Variants in BRIP1 observed in about 807,000 individuals in gnomAD.
BRIP1 encodes BRCA1 interacting DNA helicase 1.
In BRIP1, 88 loss-of-function variants were observed where a neutral mutation model predicts 119.7. The observed-to-expected ratio is 0.74, with a 90% CI of 0.62 to 0.88. The LOEUF (loss-of-function observed/expected upper bound fraction) is 0.88. Ranked by LOEUF, BRIP1 falls within the 40% of genes least tolerant of loss-of-function variation. BRIP1 has a pLI of 0.00. For missense variants in BRIP1, 1,259 were observed against 1,455.4 expected, an observed-to-expected ratio of 0.87 and a Z score of 2.20; for synonymous variants, 443 against 496.5, an observed-to-expected ratio of 0.89 and a Z score of 1.43.
Position 61,789,885 on chromosome 17 carries a change from C to A in BRIP1, c.1473+3712G>T, listed in dbSNP as rs1338770797. On this transcript the variant is annotated intron_variant, in intron 10 of 19. Coordinates refer to ENST00000259008, the MANE Select transcript of BRIP1 (RefSeq NM_032043.3). This position sits in a 1 kb window ranked among gnomAD's most constrained non-coding sequence, Gnocchi z 4.8. ...AATGTTCATCTTTGAGTTTATGAGT[C>A]ATTTTTCTTTGTGCCATTCTGTATT... Among the ~76,000 whole-genome samples the A allele has an allele frequency of 6.6e-6, 1 of 152,092 alleles. No homozygotes were observed. Among genetic ancestry groups the A allele is most frequent in the Non-Finnish European group, 1.5e-5 (1 of 68,006 alleles).
At chr17:61,718,438 TG>T (rs942710602) in intron 16 of BRIP1, among the ~76,000 whole-genome samples, 24 of 152,320 alleles carry the variant, frequency 1.6e-4, no homozygotes, top group East Asian at 5.8e-4. Flanking sequence ...TCCCAGACTT[TG>T]TAAGCACTAG....
At chr17:61,718,575 C>G (rs1482666416) in intron 16 of BRIP1, among the ~76,000 whole-genome samples, 2 of 152,200 alleles carry the variant, frequency 1.3e-5, no homozygotes, top group Non-Finnish European at 2.9e-5. Context: ...CTCTATGTAG[C>G]TCCATCCTCT....
At chr17:61,781,811 C>T (rs1167750053) in intron 11 of BRIP1, among the ~76,000 whole-genome samples, 1 of 151,352 alleles carries the variant, frequency 6.6e-6, no homozygotes, top group Admixed American at 6.6e-5. Flanking sequence ...ACCCCAGCTA[C>T]TCAGGAGGCT....
rs1398684797 is a variant in BRIP1, at chr17:61,843,870, A to G, written c.627+3231T>C. ...TAATAATTTCACTATGTATATATATATTAAAACATCATGTTTTACACCTAA... is the reference window on the plus strand; with the variant it reads ...TAATAATTTCACTATGTATATATATGTTAAAACATCATGTTTTACACCTAA... On this transcript the variant is annotated intron_variant, in intron 6 of 19. Coordinates refer to ENST00000259008, the MANE Select transcript of BRIP1 (RefSeq NM_032043.3). This position sits in a 1 kb window ranked among gnomAD's most constrained non-coding sequence, Gnocchi z 5.7. Among the ~76,000 whole-genome samples the G allele has an allele frequency of 1.3e-5, 2 of 152,108 alleles. No individual in the cohort carries two copies. Among genetic ancestry groups the G allele is most frequent in the Non-Finnish European group, 2.9e-5 (2 of 68,018 alleles).
At position 61,788,643 on chromosome 17, in the gene BRIP1, T is replaced by C. The variant is rs189731013; in HGVS notation, c.1474-4219A>G. Among the ~76,000 whole-genome samples, 21 of 152,276 alleles carry C rather than the reference T, an allele frequency of 1.4e-4. No homozygotes were observed. The East Asian group carries it at 4.1e-3, about 29-fold the overall frequency. ...ATGGTGGAACACAATCAAGTCCAGA[T>C]ATAAATTCACACATATATGAAAATT... is the stretch of plus-strand genomic sequence containing the variant. On this transcript the variant is annotated intron_variant, in intron 10 of 19. Transcript: ENST00000259008.
Position 61,776,678 on chromosome 17 carries a change from A to C in BRIP1, c.1936-116T>G. On this transcript the variant is annotated intron_variant, in intron 13 of 19. Transcript: ENST00000259008. The surrounding 1 kb of genome is among the most constrained non-coding windows in gnomAD (Gnocchi z 5.0). ...CAACAAGTTTAACAATTTATTTTTA[A>C]ATTGTCAGGGGGTTTTCTATTACCT... 1 of 1,143,796 alleles carries C rather than the reference A, an allele frequency of 8.7e-7. No homozygotes were observed. Among genetic ancestry groups the C allele is most frequent in the Middle Eastern group, 2.0e-4 (1 of 5,094 alleles). The allele number at this position is 1,143,796 out of a possible 1,614,324, so 70.9% of individuals were successfully genotyped here.
At chr17:61,781,655 G>T (rs1368495971) in intron 11 of BRIP1, among the ~76,000 whole-genome samples, 1 of 152,166 alleles carries the variant, frequency 6.6e-6, no homozygotes, top group Non-Finnish European at 1.5e-5. Flanking sequence ...AGGCGCGGTG[G>T]TTCACACCTG....
At position 61,804,954 on chromosome 17, in the gene BRIP1, C is replaced by G. The variant is rs1048048421; in HGVS notation, c.919-3480G>C. Among the ~76,000 whole-genome samples, 10 of 139,222 alleles carry G rather than the reference C, an allele frequency of 7.2e-5. No individual in the cohort carries two copies. Among genetic ancestry groups the G allele is most frequent in the African/African-American group, 2.7e-4 (10 of 37,014 alleles). 91.3% of individuals were successfully genotyped at this position (139,222 alleles called of 152,430 possible). ...GGCAGGATGAAATGTCTCTCTCTTT[C>G]TGTGTGTGTGTGTGTGTGTGTGTGT... On this transcript the variant is annotated intron_variant, in intron 7 of 19. Coordinates refer to ENST00000259008, the MANE Select transcript of BRIP1 (RefSeq NM_032043.3). The surrounding 1 kb of genome is among the most constrained non-coding windows in gnomAD (Gnocchi z 4.5).
In BRIP1 at chr17:61,803,543, A is replaced by T. The variant is rs980770793; in HGVS notation, c.919-2069T>A. ...ACAGGGAGACTCAATCTCTACAAAA[A>T]AACAAAAAAAATTAAACCGCAGTGA... On this transcript the variant is annotated intron_variant, in intron 7 of 19. Coordinates refer to ENST00000259008, the MANE Select transcript of BRIP1 (RefSeq NM_032043.3). The surrounding 1 kb of genome is among the most constrained non-coding windows in gnomAD (Gnocchi z 4.3). Among the ~76,000 whole-genome samples, 2 of 152,146 alleles carry T rather than the reference A, an allele frequency of 1.3e-5. No individual in the cohort carries two copies. The highest frequency in any genetic ancestry group is 2.9e-5 in the Non-Finnish European group (2 of 68,030).
In BRIP1 at chr17:61,734,432, T is replaced by C. The variant is rs1475086101; in HGVS notation, c.2379+8581A>G. 6.6e-6 allele frequency among the ~76,000 whole-genome samples: 1 copy of C among 152,160 alleles called. No individual in the cohort carries two copies. Among genetic ancestry groups the C allele is most frequent in the African/African-American group, 2.4e-5 (1 of 41,426 alleles). On this transcript the variant is annotated intron_variant, in intron 16 of 19. Transcript: ENST00000259008. The surrounding 1 kb of genome is among the most constrained non-coding windows in gnomAD (Gnocchi z 5.2). ...ATACGATTAAGTATATCCTTATGAA[T>C]GATCAGAAGCATCTGGGAAAGGTGG...
rs2145833102 is a variant in BRIP1, at chr17:61,857,311, G to A, written c.206-80C>T. The A allele has an allele frequency of 7.6e-7, 1 of 1,318,094 alleles. No homozygotes were observed. Among genetic ancestry groups the A allele is most frequent in the Non-Finnish European group, 1.0e-6 (1 of 965,520 alleles). The allele number at this position is 1,318,094 out of a possible 1,614,324, so 81.6% of individuals were successfully genotyped here. A position where few individuals can be genotyped will look rare whatever the true frequency, so the allele number is the denominator to read the frequency against. On this transcript the variant is annotated intron_variant, in intron 3 of 19. Transcript: ENST00000259008. This position sits in a 1 kb window ranked among gnomAD's most constrained non-coding sequence, Gnocchi z 5.1. ...ATTCTCTACAGCCCAGTTCACCCAGGATTGGGAGGTTTCCTAAGATAAAAG... is the reference window on the plus strand; with the variant it reads ...ATTCTCTACAGCCCAGTTCACCCAGAATTGGGAGGTTTCCTAAGATAAAAG...
rs2076952504 is a variant in BRIP1 at position 61,738,882 on chromosome 17, C to T, written c.2379+4131G>A. On this transcript the variant is annotated intron_variant, in intron 16 of 19. Coordinates refer to ENST00000259008, the MANE Select transcript of BRIP1 (RefSeq NM_032043.3). The surrounding 1 kb of genome is among the most constrained non-coding windows in gnomAD (Gnocchi z 4.2). ...TCTGAATATCATTCCCTTCTCTTCT[C>T]CTCATATGTAATCAGAATTATAATC... is the stretch of plus-strand genomic sequence containing the variant. Among the ~76,000 whole-genome samples the T allele has an allele frequency of 6.6e-6, 1 of 152,120 alleles. No individual in the cohort carries two copies. The highest frequency in any genetic ancestry group is 2.4e-5 in the African/African-American group (1 of 41,430).
Position 61,761,920 on chromosome 17 carries a change from T to C in BRIP1, c.2097+14481A>G, listed in dbSNP as rs1167876114. The stretch of plus-strand genomic sequence containing the variant: ...ATAGAAAAAAGAATCCTAAATTTCA[T>C]ATAGAGCCACAAGAAGCTTTGAATA... On this transcript the variant is annotated intron_variant, in intron 14 of 19. Transcript: ENST00000259008. The surrounding 1 kb of genome is among the most constrained non-coding windows in gnomAD (Gnocchi z 6.4). Among the ~76,000 whole-genome samples the C allele has an allele frequency of 6.6e-6, 1 of 152,072 alleles. No homozygotes were observed. Among genetic ancestry groups the C allele is most frequent in the African/African-American group, 2.4e-5 (1 of 41,432 alleles).
chr17:61,718,625 T>C (rs2061920330), intron 16 of BRIP1, among the ~76,000 whole-genome samples: 1 of 152,204 alleles, frequency 6.6e-6, no homozygotes, highest in Admixed American at 6.5e-5. Flanking sequence ...CCACGGACTT[T>C]CCCTAAACTT....
intron 4 of BRIP1, among the ~76,000 whole-genome samples, chr17:61,854,038 G>A (rs2078859508): frequency 1.3e-5 from 2 of 152,124 alleles, no homozygotes; most frequent in South Asian, 4.1e-4. Context: ...TGCTTTGGGA[G>A]GCCGAAGAAG....
chr17:61,844,120 G>A lies in BRIP1; in HGVS notation c.627+2981C>T, dbSNP rs1386293109. ...TTTCTTCTATTCTTTATAAAGACAG[G>A]GTCTCGTTATGTTGCCCAGGTTGGT... On this transcript the variant is annotated intron_variant, in intron 6 of 19. Transcript: ENST00000259008. This position sits in a 1 kb window ranked among gnomAD's most constrained non-coding sequence, Gnocchi z 4.7. 6.6e-6 allele frequency among the ~76,000 whole-genome samples: 1 copy of A among 151,658 alleles called. No homozygotes were observed. The highest frequency in any genetic ancestry group is 1.5e-5 in the Non-Finnish European group (1 of 67,928).
chr17:61,791,409 A>G (rs1186765305), intron 10 of BRIP1, among the ~76,000 whole-genome samples: 1 of 141,930 alleles, frequency 7.0e-6, no homozygotes, highest in Non-Finnish European at 1.5e-5. Context: ...GGATCACTTG[A>G]ACACGAGAGG....
At chr17:61,718,465 C>T (rs1322398933) in intron 16 of BRIP1, among the ~76,000 whole-genome samples, 1 of 152,206 alleles carries the variant, frequency 6.6e-6, no homozygotes, top group Non-Finnish European at 1.5e-5. Flanking sequence ...TTTCTGCCTA[C>T]TCATTTCCCT....
intron 6 of BRIP1, among the ~76,000 whole-genome samples, chr17:61,811,097 C>T (rs2078153817): frequency 6.6e-6 from 1 of 152,114 alleles, no homozygotes; most frequent in African/African-American, 2.4e-5. Context: ...ATATTATAAA[C>T]CACAGCTAAC....
Sources: gnomAD v4.1 joint callset for allele counts (sites outside exome capture counted in the v4.1 genomes callset) on GRCh38, gnomAD v4.1.1 for gene constraint, Gnocchi (gnomAD v3.1) non-coding constraint, MANE v1.5 for transcripts, NCBI Gene and HGNC (gene_info 2026-07-23, HGNC 2026-07-21) for gene names.